The following BTBD9 variants were observed in gnomAD, a reference collection of about 807,000 sequenced individuals.
The protein encoded by BTBD9 is BTB domain containing 9.
BTBD9 carries 49 observed loss-of-function variants against 64.3 expected under a neutral mutation model. The observed-to-expected ratio is 0.76, with a 90% CI of 0.61 to 0.97. The LOEUF is 0.97. BTBD9 is among the 50% of genes least tolerant of loss of function. The pLI, the probability that BTBD9 is intolerant of heterozygous loss-of-function variation, is 0.00. For missense variants in BTBD9, 598 were observed against 762.1 expected, an observed-to-expected ratio of 0.78 and a Z score of 2.53; for synonymous variants, 260 against 274.7, an observed-to-expected ratio of 0.95 and a Z score of 0.53.
At chr6:38,617,378 A>C (rs1582724243) in intron 1 of BTBD9, among the ~76,000 whole-genome samples, 1 of 152,128 alleles carries the variant, frequency 6.6e-6, no homozygotes, top group Admixed American at 6.5e-5. Context: ...CTCTCAGAGA[A>C]GTTCCTCCCA....
chr6:38,603,629 G>T (rs1777330867), intron 1 of BTBD9, among the ~76,000 whole-genome samples: 1 of 152,220 alleles, frequency 6.6e-6, no homozygotes, highest in Non-Finnish European at 1.5e-5. Context: ...TTATTCTCCA[G>T]TGTTTAACCA....
intron 9 of BTBD9, among the ~76,000 whole-genome samples, chr6:38,204,599 G>A (rs1042541128): frequency 6.6e-6 from 1 of 152,204 alleles, no homozygotes; most frequent in Admixed American, 6.5e-5. Flanking sequence ...TCTTTCTGGA[G>A]TAATGAAAAT....
At chr6:38,368,509 A>T (rs1765281251) in intron 6 of BTBD9, among the ~76,000 whole-genome samples, 1 of 151,850 alleles carries the variant, frequency 6.6e-6, no homozygotes, top group Non-Finnish European at 1.5e-5. Flanking sequence ...TAATTTTTGT[A>T]TTATTAATAG....
chr6:38,325,854 G>A (rs749063288), intron 7 of BTBD9, among the ~76,000 whole-genome samples: 1 of 152,160 alleles, frequency 6.6e-6, no homozygotes, highest in Non-Finnish European at 1.5e-5. Context: ...TCCTCAGAAT[G>A]CAACACATCA....
intron 7 of BTBD9, among the ~76,000 whole-genome samples, chr6:38,327,955 G>A (rs999033387): frequency 6.6e-6 from 1 of 152,334 alleles, no homozygotes; most frequent in South Asian, 2.1e-4. Context: ...TTGGGAGCGC[G>A]TGGAGTGCTG....
At chr6:38,538,783 CTTTTTTT>C (rs55908292) in intron 6 of BTBD9, among the ~76,000 whole-genome samples, 1 of 147,024 alleles carries the variant, frequency 6.8e-6, no homozygotes, top group African/African-American at 2.5e-5. Context: ...TTTTCTTTTT[CTTTTTTT>C]TTTTTCTTTT....
At chr6:38,275,479 A>G (rs1190665473) in intron 8 of BTBD9, among the ~76,000 whole-genome samples, 1 of 152,004 alleles carries the variant, frequency 6.6e-6, no homozygotes, top group Non-Finnish European at 1.5e-5. Context: ...AATGGCAACA[A>G]AAGCCAAAAT....
At chr6:38,488,018 C>T (rs191908476) in intron 6 of BTBD9, among the ~76,000 whole-genome samples, 1 of 152,230 alleles carries the variant, frequency 6.6e-6, no homozygotes, top group East Asian at 1.9e-4. Flanking sequence ...TTAGAAAAAG[C>T]AATTCCCTAA....
intron 6 of BTBD9, among the ~76,000 whole-genome samples, chr6:38,404,721 A>G (rs1161152308): frequency 6.6e-6 from 1 of 152,194 alleles, no homozygotes; most frequent in Non-Finnish European, 1.5e-5. Context: ...TAAGGGATAA[A>G]CTGATGTGTT....
intron 4 of BTBD9, among the ~76,000 whole-genome samples, chr6:38,592,286 T>C (rs908425856): frequency 2.6e-5 from 4 of 152,144 alleles, no homozygotes; most frequent in Non-Finnish European, 2.9e-5. Flanking sequence ...GGTCTTAACA[T>C]GAGCAGCAGC....
intron 9 of BTBD9, among the ~76,000 whole-genome samples, chr6:38,255,609 G>C (rs1213882099): frequency 6.6e-6 from 1 of 152,138 alleles, no homozygotes; most frequent in Non-Finnish European, 1.5e-5. Context: ...AGTCTAAACA[G>C]CCCCAGTGCC....
At chr6:38,595,987 T>G (rs1777017496) in intron 2 of BTBD9, 1 of 985,334 alleles carries the variant, frequency 1.0e-6, no homozygotes, top group African/African-American at 1.7e-5. Flanking sequence ...ACAATAAACA[T>G]GAACCCCCAA....
intron 9 of BTBD9, among the ~76,000 whole-genome samples, chr6:38,222,806 C>A (rs918205337): frequency 6.6e-6 from 1 of 152,278 alleles, no homozygotes. Flanking sequence ...TAGAGCTAAA[C>A]ATGTTATACA....
chr6:38,421,846 G>A (rs1038745116), intron 6 of BTBD9, among the ~76,000 whole-genome samples: 2 of 152,106 alleles, frequency 1.3e-5, no homozygotes, highest in African/African-American at 4.8e-5. Flanking sequence ...AGAAAGAAAA[G>A]TAAATGGAGA....
rs202142691 is a variant in BTBD9 at position 38,291,482 on chromosome 6, TTA to T, written c.1265-3023_1265-3022del. Among the ~76,000 whole-genome samples, 993 of 152,290 alleles carry T rather than the reference TTA, an allele frequency of 6.5e-3. 9 individuals carry two copies. Among genetic ancestry groups the T allele is most frequent in the African/African-American group, 0.019 (808 of 41,558 alleles). The stretch of plus-strand genomic sequence containing the variant: ...TCCTCTCTTCCTATTTGAATATCCT[TTA>T]TGTCTTTCTCTAGCCTGATTGCCCT... On this transcript the variant is annotated intron_variant, in intron 7 of 10. Coordinates refer to ENST00000481247, the MANE Select transcript of BTBD9 (RefSeq NM_001099272.2).
intron 6 of BTBD9, among the ~76,000 whole-genome samples, chr6:38,411,842 T>C (rs571662507): frequency 1.9e-4 from 29 of 151,892 alleles, no homozygotes; most frequent in Non-Finnish European, 4.0e-4. Context: ...GAGGCTGAAG[T>C]GGGAAGATCG....
chr6:38,202,024 T>C (rs1164759269), intron 9 of BTBD9, among the ~76,000 whole-genome samples: 1 of 151,482 alleles, frequency 6.6e-6, no homozygotes, highest in Non-Finnish European at 1.5e-5. Flanking sequence ...CCCAAAACAA[T>C]ATACAGATTC....
rs1768002478 is a variant in BTBD9, at chr6:38,423,511, C to T, written c.1155-78418G>A. 1.3e-5 allele frequency among the ~76,000 whole-genome samples: 2 copies of T among 152,022 alleles called. 1 individual carries two copies. The highest frequency in any genetic ancestry group is 1.3e-4 in the Admixed American group (2 of 15,248). On this transcript the variant is annotated intron_variant, in intron 6 of 10. Coordinates refer to ENST00000481247, the MANE Select transcript of BTBD9 (RefSeq NM_001099272.2). ...GGAGAGATAAGGTCTCACTATATTG[C>T]CCAGGGTGGTCTCAAACTCATGGGC...
At chr6:38,613,583 G>A (rs985368424) in intron 1 of BTBD9, among the ~76,000 whole-genome samples, 19 of 152,162 alleles carry the variant, frequency 1.2e-4, no homozygotes, top group East Asian at 5.8e-4. Context: ...CAACCTGGGC[G>A]ACAGGTTGAG....
Sources: allele counts gnomAD v4.1 joint callset (sites outside exome capture counted in the v4.1 genomes callset), GRCh38; gene constraint gnomAD v4.1.1; transcripts MANE v1.5; gene names NCBI Gene and HGNC (gene_info 2026-07-23, HGNC 2026-07-21).